The following RGS17 variants were observed in gnomAD, a reference collection of about 807,000 sequenced individuals.
RGS17 encodes regulator of G protein signaling 17, also known as regulator of G-protein signaling 17.
Under a neutral mutation model 25.5 loss-of-function variants are expected in RGS17, and 12 were observed. The ratio of observed to expected loss-of-function variants is 0.47; its 90% CI spans 0.30 to 0.76. The LOEUF is 0.76. RGS17 is among the 30% of genes least tolerant of loss of function. RGS17 has a pLI of 0.07. For missense variants in RGS17, 196 were observed against 242.2 expected (o/e 0.81, Z 1.27); for synonymous variants, 71 against 76.9 (o/e 0.92, Z 0.40).
Position 153,007,917 on chromosome 6 carries a change from C to T in RGS17, c.*3657G>A, listed in dbSNP as rs1318092640. 1 of 152,036 alleles carries T rather than the reference C, an allele frequency of 6.6e-6. No individual in the cohort carries two copies. Among genetic ancestry groups the T allele is most frequent in the Non-Finnish European group, 1.5e-5 (1 of 68,000 alleles). The allele number at this position is 152,036 out of a possible 1,614,324, so 9.4% of individuals were successfully genotyped here. A position where few individuals can be genotyped will look rare whatever the true frequency, so the allele number is the denominator to read the frequency against. ...AGAAATTTTAGGTGGTTTTCAAATA[C>T]GTTTTATTTTTGACTTTTTTGATTG... On this transcript the variant is annotated 3_prime_UTR_variant, in exon 5 of 5. Coordinates refer to ENST00000206262, the MANE Select transcript of RGS17 (RefSeq NM_012419.5).
chr6:153,123,149 C>T (rs191403749), intron 1 of RGS17, among the ~76,000 whole-genome samples: 1 of 110,166 alleles, frequency 9.1e-6, no homozygotes, highest in Non-Finnish European at 1.9e-5. Flanking sequence ...ATGTCTATGC[C>T]TTAGTGCCCT....
At chr6:153,129,942 C>T (rs910047935) in intron 1 of RGS17, among the ~76,000 whole-genome samples, 2 of 152,088 alleles carry the variant, frequency 1.3e-5, no homozygotes, top group Admixed American at 6.5e-5. Context: ...CAGGGCGGGT[C>T]CCGTACGCAG....
intron 1 of RGS17, among the ~76,000 whole-genome samples, chr6:153,073,156 T>C (rs1003038297): frequency 1.3e-5 from 2 of 152,222 alleles, no homozygotes; most frequent in Admixed American, 1.3e-4. Context: ...AATGGGCTTC[T>C]AATATATTTC....
chr6:153,095,371 GA>G (rs1389992524), intron 1 of RGS17, among the ~76,000 whole-genome samples: 1 of 151,828 alleles, frequency 6.6e-6, no homozygotes, highest in Non-Finnish European at 1.5e-5. Flanking sequence ...AATAAAATAG[GA>G]AAAACATTTC....
intron 1 of RGS17, among the ~76,000 whole-genome samples, chr6:153,057,213 C>T (rs1776573279): frequency 6.6e-6 from 1 of 151,636 alleles, no homozygotes; most frequent in African/African-American, 2.4e-5. Flanking sequence ...AAAATAAAAG[C>T]TTCATATTCT....
intron 1 of RGS17, among the ~76,000 whole-genome samples, chr6:153,069,938 A>C (rs1471938549): frequency 6.6e-6 from 1 of 152,168 alleles, no homozygotes; most frequent in Non-Finnish European, 1.5e-5. Context: ...TGGTCCTGTT[A>C]CAAAGCTCAT....
chr6:153,095,782 A>G (rs993463290), intron 1 of RGS17, among the ~76,000 whole-genome samples: 1 of 152,212 alleles, frequency 6.6e-6, no homozygotes, highest in African/African-American at 2.4e-5. Flanking sequence ...TTTAGGGTCT[A>G]TAATATATAG....
chr6:153,024,567 A>C, intron 3 of RGS17, 71 bp from the exon 4 acceptor site: 1 of 1,113,154 alleles, frequency 9.0e-7, no homozygotes. Flanking sequence ...AGGTAAGGAG[A>C]GGAGCAGATA....
chr6:153,048,862 CTGTT>C (rs1163692619), intron 1 of RGS17, among the ~76,000 whole-genome samples: 4 of 152,078 alleles, frequency 2.6e-5, no homozygotes, highest in African/African-American at 7.2e-5. Context: ...CAAGTTTTAC[CTGTT>C]TGTTTGTCTA....
At chr6:153,055,685 G>A (rs1315158692) in intron 1 of RGS17, among the ~76,000 whole-genome samples, 5 of 152,156 alleles carry the variant, frequency 3.3e-5, no homozygotes, top group East Asian at 1.9e-4. Context: ...AAATACTAAC[G>A]GACCCAAGCA....
At chr6:153,017,955 G>T (rs1202588925) in intron 4 of RGS17, among the ~76,000 whole-genome samples, 3 of 152,160 alleles carry the variant, frequency 2.0e-5, no homozygotes, top group Non-Finnish European at 4.4e-5. Flanking sequence ...AAGAATACAT[G>T]ATCCTCCTAT....
chr6:153,063,539 GAGAAAAA>G (rs1426170033), intron 1 of RGS17, among the ~76,000 whole-genome samples: 2 of 151,926 alleles, frequency 1.3e-5, no homozygotes, highest in South Asian at 2.1e-4. Flanking sequence ...GCAGTCAGAG[GAGAAAAA>G]AGAAAAAAGA....
At chr6:153,126,920 A>T (rs920682627) in intron 1 of RGS17, among the ~76,000 whole-genome samples, 15 of 152,198 alleles carry the variant, frequency 9.9e-5, no homozygotes, top group African/African-American at 3.6e-4. Flanking sequence ...AGGAATGTTA[A>T]TTTTTTTAGA....
intron 1 of RGS17, among the ~76,000 whole-genome samples, chr6:153,095,203 T>C (rs372752444): frequency 6.6e-5 from 10 of 152,240 alleles, no homozygotes; most frequent in African/African-American, 1.7e-4. Context: ...CAGCGAATCA[T>C]TGAGATCCTG....
At chr6:153,046,221 A>AT (rs11394097) in intron 1 of RGS17, among the ~76,000 whole-genome samples, 57,230 of 151,816 alleles carry the variant, frequency 0.38, 11,370 homozygotes, top group East Asian at 0.62. Flanking sequence ...ATATGGATAC[A>AT]TTTTTTAAGG....
intron 3 of RGS17, 124 bp from the exon 4 acceptor site, chr6:153,024,620 C>A (rs1779280601): frequency 7.2e-6 from 5 of 696,074 alleles, no homozygotes; most frequent in Non-Finnish European, 1.2e-5. Flanking sequence ...CAGTATTTTG[C>A]CACTCAGTCC....
At chr6:153,100,635 T>C (rs569491717) in intron 1 of RGS17, among the ~76,000 whole-genome samples, 1 of 152,342 alleles carries the variant, frequency 6.6e-6, no homozygotes, top group South Asian at 2.1e-4. Context: ...TTATCTAACT[T>C]ACTTCTTATA....
At chr6:153,067,234 T>C (rs558528174) in intron 1 of RGS17, among the ~76,000 whole-genome samples, 30 of 152,254 alleles carry the variant, frequency 2.0e-4, no homozygotes, top group African/African-American at 7.2e-4. Flanking sequence ...GGAAAGCCTT[T>C]CCTCTAAAAT....
chr6:153,081,446 G>T (rs1435370043), intron 1 of RGS17, among the ~76,000 whole-genome samples: 1 of 151,828 alleles, frequency 6.6e-6, no homozygotes, highest in Non-Finnish European at 1.5e-5. Context: ...TTTAATCTTT[G>T]CCTACTTGTA....
Sources: gnomAD v4.1 joint callset for allele counts (sites outside exome capture counted in the v4.1 genomes callset) on GRCh38, gnomAD v4.1.1 for gene constraint, MANE v1.5 for transcripts, NCBI Gene and HGNC (gene_info 2026-07-23, HGNC 2026-07-21) for gene names.